GRM8: variants seen among roughly 807,000 people sequenced by gnomAD.
GRM8 encodes the protein glutamate metabotropic receptor 8, also known as metabotropic glutamate receptor 8.
Under a neutral mutation model 87.2 loss-of-function variants are expected in GRM8, and 47 were observed. That is an observed-to-expected ratio of 0.54 (90% CI 0.43 to 0.69). GRM8 has a LOEUF of 0.69. Among genes scored for constraint, GRM8 ranks in the 30% least tolerant of loss-of-function variants. The pLI, the probability that GRM8 is intolerant of heterozygous loss-of-function variation, is 0.00. For synonymous variants in GRM8, 396 were observed against 404.5 expected, an observed-to-expected ratio of 0.98 and a Z score of 0.25; for missense variants, 1,019 against 1,139.2, an observed-to-expected ratio of 0.89 and a Z score of 1.52.
At chr7:126,806,836 G>C (rs1266553533) in intron 6 of GRM8, among the ~76,000 whole-genome samples, 1 of 152,186 alleles carries the variant, frequency 6.6e-6, no homozygotes. Flanking sequence ...ACCCGGAACC[G>C]CGCCGGTGGC....
In GRM8 at chr7:126,446,295, G is replaced by A; in HGVS notation, c.2508C>T (p.Pro836=). The part of the protein sequence containing the change: ...ASVSLGMLYM[P]KVYIIIFHPE... The stretch of plus-strand genomic sequence containing the variant: ...GATGAAAAATTATAATATAAACCTT[G>A]GGCATATAGAGCATGCCCAGAGATA... The change falls in exon 10 of 11, where the codon CCC becomes CCT. Residue 836 remains proline (P), a synonymous_variant. Coordinates refer to ENST00000339582, the MANE Select transcript of GRM8 (RefSeq NM_000845.3). The A allele has an allele frequency of 6.2e-7, 1 of 1,610,922 alleles. No individual in the cohort carries two copies. The highest frequency in any genetic ancestry group is 8.5e-7 in the Non-Finnish European group (1 of 1,177,920).
rs1406465190 is a variant in GRM8 at position 126,643,304 on chromosome 7, AAAAAAAAAAAAAAAAATATATATATATAT to A, written c.1358-33835_1358-33807del. On this transcript the variant is annotated intron_variant, in intron 7 of 10. Coordinates refer to ENST00000339582, the MANE Select transcript of GRM8 (RefSeq NM_000845.3). ...AGAACTTGTCTCAAAAAAAAAAAAA[AAAAAAAAAAAAAAAAATATATATATATAT>A]ATATATATATATATATATATATAGT... Among the ~76,000 whole-genome samples the A allele has an allele frequency of 6.3e-3, 503 of 79,262 alleles. 13 individuals are homozygous for A. The highest frequency in any genetic ancestry group is 0.025 in the African/African-American group (336 of 13,406). The allele number at this position is 79,262 out of a possible 152,430, so 52.0% of individuals were successfully genotyped here.
intron 6 of GRM8, among the ~76,000 whole-genome samples, chr7:126,859,737 C>A (rs912729141): frequency 7.2e-5 from 11 of 152,130 alleles, no homozygotes; most frequent in Non-Finnish European, 1.2e-4. Context: ...CATTATGCAT[C>A]CTGAAGATCC....
intron 7 of GRM8, among the ~76,000 whole-genome samples, chr7:126,737,719 T>C (rs1180276966): frequency 1.3e-5 from 2 of 151,990 alleles, no homozygotes; most frequent in East Asian, 1.9e-4. Context: ...TCAGCAAACA[T>C]CTATTGAACA....
rs549527668 is a variant in GRM8 at position 126,876,769 on chromosome 7, C to G, written c.1156+25773G>C. The stretch of plus-strand genomic sequence containing the variant: ...AATGTCATGACTCAGAGTACTTATT[C>G]GTAGAATTGCTTCAAAATTTTATCT... On this transcript the variant is annotated intron_variant, in intron 6 of 10. Transcript: ENST00000339582. Among the ~76,000 whole-genome samples the G allele has an allele frequency of 5.9e-5, 9 of 152,226 alleles. No homozygotes were observed. In the South Asian group the frequency reaches 1.7e-3, roughly 28 times the overall value.
intron 6 of GRM8, among the ~76,000 whole-genome samples, chr7:126,884,526 T>A (rs1191424335): frequency 6.6e-6 from 1 of 152,184 alleles, no homozygotes; most frequent in Non-Finnish European, 1.5e-5. Flanking sequence ...TTTATGCACA[T>A]ATTGCATCAT....
intron 8 of GRM8, among the ~76,000 whole-genome samples, chr7:126,536,978 A>C (rs1328841987): frequency 6.6e-6 from 1 of 152,178 alleles, no homozygotes; most frequent in African/African-American, 2.4e-5. Context: ...GAACAACATA[A>C]GATGTGTTAA....
intron 8 of GRM8, among the ~76,000 whole-genome samples, chr7:126,571,689 A>C (rs1450877461): frequency 6.6e-6 from 1 of 151,952 alleles, no homozygotes; most frequent in Non-Finnish European, 1.5e-5. Context: ...TAGGGCAAAA[A>C]CAAGTCAATC....
chr7:126,749,745 A>G (rs1161880204), intron 7 of GRM8, among the ~76,000 whole-genome samples: 1 of 152,058 alleles, frequency 6.6e-6, no homozygotes, highest in African/African-American at 2.4e-5. Flanking sequence ...CAAGATAACT[A>G]GTGACCAGAG....
chr7:126,763,031 C>T (rs1421316101), intron 7 of GRM8, among the ~76,000 whole-genome samples: 1 of 151,454 alleles, frequency 6.6e-6, no homozygotes, highest in Non-Finnish European at 1.5e-5. Context: ...TGTCAATTGA[C>T]CTCTTAGAGA....
chr7:126,572,767 G>A (rs1794791170), intron 8 of GRM8, among the ~76,000 whole-genome samples: 1 of 152,120 alleles, frequency 6.6e-6, no homozygotes, highest in Admixed American at 6.6e-5. Flanking sequence ...TTCCATCCCA[G>A]AATGGTAGAG....
intron 9 of GRM8, among the ~76,000 whole-genome samples, chr7:126,463,037 AC>A (rs1804065462): frequency 6.9e-6 from 1 of 145,842 alleles, no homozygotes; most frequent in Non-Finnish European, 1.5e-5. Context: ...TGGTTATTTG[AC>A]TGGTTTTCAA....
intron 3 of GRM8, among the ~76,000 whole-genome samples, chr7:126,918,994 A>G (rs1356067387): frequency 6.6e-6 from 1 of 152,186 alleles, no homozygotes; most frequent in Non-Finnish European, 1.5e-5. Context: ...TGACTTCTAG[A>G]TAAAACTCAT....
At chr7:126,449,927 T>C (rs1802433738) in intron 9 of GRM8, among the ~76,000 whole-genome samples, 1 of 151,836 alleles carries the variant, frequency 6.6e-6, no homozygotes, top group Non-Finnish European at 1.5e-5. Context: ...TGATGGCTTG[T>C]TACTTACTCT....
chr7:126,707,501 T>C (rs905771088), intron 7 of GRM8, among the ~76,000 whole-genome samples: 5 of 152,136 alleles, frequency 3.3e-5, no homozygotes, highest in Non-Finnish European at 7.4e-5. Flanking sequence ...GACTTTCTTT[T>C]CTTCATCAGA....
chr7:126,611,529 C>T lies in GRM8; in HGVS notation c.1358-2031G>A, dbSNP rs146450605. On this transcript the variant is annotated intron_variant, in intron 7 of 10. Transcript: ENST00000339582. ...GAAGATATTTCTGGCTGGAAAAACA[C>T]GTATGTTGAGAATTTCACATTAACA... Among the ~76,000 whole-genome samples the T allele has an allele frequency of 1.3e-3, 197 of 152,258 alleles. 1 individual carries two copies. The highest frequency in any genetic ancestry group is 2.8e-3 in the African/African-American group (116 of 41,556).
chr7:126,845,639 A>G (rs1174794512), intron 6 of GRM8, among the ~76,000 whole-genome samples: 1 of 152,234 alleles, frequency 6.6e-6, no homozygotes, highest in East Asian at 1.9e-4. Flanking sequence ...CAAGTCAAAA[A>G]AGCATATATT....
chr7:127,112,035 A>C (rs902431628), intron 2 of GRM8: 1 of 151,996 alleles, frequency 6.6e-6, no homozygotes, highest in Non-Finnish European at 1.5e-5. Flanking sequence ...AAAAAAAAAA[A>C]ACACAAAATA....
intron 6 of GRM8, among the ~76,000 whole-genome samples, chr7:126,786,539 C>G (rs980359429): frequency 6.6e-6 from 1 of 152,136 alleles, no homozygotes; most frequent in Non-Finnish European, 1.5e-5. Flanking sequence ...TGAGTGTCCT[C>G]TATCCCAACC....
Sources: gnomAD v4.1 joint callset for allele counts (sites outside exome capture counted in the v4.1 genomes callset) on GRCh38, gnomAD v4.1.1 for gene constraint, MANE v1.5 for transcripts, NCBI Gene and HGNC (gene_info 2026-07-23, HGNC 2026-07-21) for gene names.